ERBB4: variants seen among roughly 807,000 people sequenced by gnomAD.
ERBB4 encodes erb-b2 receptor tyrosine kinase 4, also known as receptor tyrosine-protein kinase erbB-4.
In ERBB4, 42 loss-of-function variants were observed where a neutral mutation model predicts 158.0. The observed-to-expected ratio is 0.27, with a 90% CI of 0.21 to 0.34. The LOEUF (loss-of-function observed/expected upper bound fraction) is 0.34, where lower values mean the gene tolerates loss of function less well. ERBB4 is among the 10% of genes least tolerant of loss of function. The probability of loss-of-function intolerance (pLI) is 1.00; values close to 1 mark genes in which losing one functional copy is unlikely to be tolerated. For missense variants in ERBB4, 1,333 were observed against 1,624.1 expected (o/e 0.82, Z 3.08); for synonymous variants, 583 against 558.7 (o/e 1.04, Z -0.61).
chr2:212,078,794 T>TA (rs1156295418), intron 2 of ERBB4, among the ~76,000 whole-genome samples: 1 of 151,370 alleles, frequency 6.6e-6, no homozygotes, highest in African/African-American at 2.4e-5. Flanking sequence ...CAATCACTAA[T>TA]ATGAAAAGTA....
intron 25 of ERBB4, among the ~76,000 whole-genome samples, chr2:211,409,864 A>G (rs1006717547): frequency 5.3e-5 from 8 of 152,148 alleles, no homozygotes; most frequent in African/African-American, 1.9e-4. Context: ...CACATATAAG[A>G]TGAAAGGGTT....
intron 1 of ERBB4, among the ~76,000 whole-genome samples, chr2:212,191,924 T>C (rs1267582365): frequency 2.5e-5 from 3 of 120,408 alleles, no homozygotes; most frequent in African/African-American, 6.0e-5. Context: ...GTTATATATG[T>C]TATATATTAT....
rs1688125914 is a variant in ERBB4 at position 212,453,679 on chromosome 2, T to TAACAACCAG, written c.82+84769_82+84770insCTGGTTGTT. Among the ~76,000 whole-genome samples the TAACAACCAG allele has an allele frequency of 2.0e-5, 3 of 152,298 alleles. No homozygotes were observed. In the East Asian group the frequency reaches 5.8e-4, roughly 29 times the overall value. ...TTATTACACCAGGGTCTTTTGTTATTGTTGTTATTTTAAAATTTTAAAATC... is the reference window on the plus strand; with the variant it reads ...TTATTACACCAGGGTCTTTTGTTATTAACAACCAGGTTGTTATTTTAAAATTTTAAAATC... On this transcript the variant is annotated intron_variant, in intron 1 of 27. Transcript: ENST00000342788.
At chr2:212,058,145 G>C (rs1190816328) in intron 2 of ERBB4, among the ~76,000 whole-genome samples, 1 of 152,172 alleles carries the variant, frequency 6.6e-6, no homozygotes, top group African/African-American at 2.4e-5. Flanking sequence ...ACTACCATCA[G>C]AGAATACTAT....
intron 3 of ERBB4, among the ~76,000 whole-genome samples, chr2:211,799,084 C>A (rs772203245): frequency 6.6e-6 from 1 of 152,122 alleles, no homozygotes; most frequent in Admixed American, 6.5e-5. Context: ...GCTGTCACTA[C>A]CACTGTGCTT....
At position 211,377,544 on chromosome 2, in the gene ERBB4, A is replaced by G. The variant is rs1317661197; in HGVS notation, c.*6071T>C. 4.3e-6 allele frequency: 1 copy of G among 232,476 alleles called. No individual in the cohort carries two copies. Among genetic ancestry groups the G allele is most frequent in the Non-Finnish European group, 8.5e-6 (1 of 117,566 alleles). The allele number at this position is 232,476 out of a possible 1,614,324, so 14.4% of individuals were successfully genotyped here. ...TTAACATGAACTGTCCTCATTATGT[A>G]TTTGTTAGATGGATGAATGATCCAA... On this transcript the variant is annotated 3_prime_UTR_variant, in exon 28 of 28. Coordinates refer to ENST00000342788, the MANE Select transcript of ERBB4 (RefSeq NM_005235.3).
intron 8 of ERBB4, among the ~76,000 whole-genome samples, chr2:211,712,883 G>A (rs374664399): frequency 1.3e-5 from 2 of 151,942 alleles, no homozygotes; most frequent in African/African-American, 2.4e-5. Context: ...CTTTTCTAGG[G>A]CACTCCCTGA....
At chr2:211,571,627 T>C (rs999490846) in intron 19 of ERBB4, among the ~76,000 whole-genome samples, 8 of 152,214 alleles carry the variant, frequency 5.3e-5, no homozygotes, top group African/African-American at 1.7e-4. Flanking sequence ...CTTATTTTAT[T>C]AGAATTATCG....
At chr2:211,561,777 C>CA in intron 20 of ERBB4, 126 bp downstream of exon 20, 2 of 843,370 alleles carry the variant, frequency 2.4e-6, no homozygotes, top group South Asian at 2.8e-5. Flanking sequence ...ATGTATCTTT[C>CA]ATTGCAGCAA....
At chr2:212,361,821 T>G (rs986981872) in intron 1 of ERBB4, among the ~76,000 whole-genome samples, 14 of 151,658 alleles carry the variant, frequency 9.2e-5, no homozygotes, top group African/African-American at 3.4e-4. Context: ...GGTTGTCACA[T>G]TAGCATTTGA....
intron 20 of ERBB4, among the ~76,000 whole-genome samples, chr2:211,510,002 A>G (rs1432777941): frequency 6.6e-6 from 1 of 152,178 alleles, no homozygotes; most frequent in Non-Finnish European, 1.5e-5. Context: ...TGGGAATTTA[A>G]ATTCATAAAA....
intron 1 of ERBB4, among the ~76,000 whole-genome samples, chr2:212,451,594 A>G (rs1473668671): frequency 6.6e-6 from 1 of 152,218 alleles, no homozygotes; most frequent in Admixed American, 6.5e-5. Context: ...TAGTATTAAA[A>G]TTGACACACA....
At chr2:211,829,830 C>G (rs1044028061) in intron 3 of ERBB4, among the ~76,000 whole-genome samples, 3 of 152,190 alleles carry the variant, frequency 2.0e-5, no homozygotes, top group South Asian at 4.1e-4. Flanking sequence ...TACTTATCGT[C>G]TATATTTACA....
chr2:212,442,808 T>C (rs2092281605), intron 1 of ERBB4, among the ~76,000 whole-genome samples: 1 of 152,258 alleles, frequency 6.6e-6, no homozygotes, highest in Non-Finnish European at 1.5e-5. Flanking sequence ...AGAAAAATCA[T>C]AAATCAAAGA....
At chr2:212,017,006 A>T (rs2125320093) in intron 2 of ERBB4, among the ~76,000 whole-genome samples, 1 of 152,282 alleles carries the variant, frequency 6.6e-6, no homozygotes, top group South Asian at 2.1e-4. Context: ...TTATTTTTAA[A>T]ATGTCACTAA....
intron 5 of ERBB4, among the ~76,000 whole-genome samples, chr2:211,738,094 A>C (rs35761042): frequency 0.4 from 60,270 of 151,856 alleles, 12,099 homozygotes; most frequent in South Asian, 0.59. Context: ...GATACAAATG[A>C]CTAATTAGTC....
chr2:212,475,211 TCACA>T (rs892160946), intron 1 of ERBB4, among the ~76,000 whole-genome samples: 77 of 152,254 alleles, frequency 5.1e-4, no homozygotes, highest in African/African-American at 1.6e-3. Flanking sequence ...ACCTGTGCAG[TCACA>T]CAGAGTCCCT....
chr2:211,619,294 A>G lies in ERBB4; in HGVS notation c.2203-19T>C, dbSNP rs759363143. 7.3e-7 allele frequency: 1 copy of G among 1,377,478 alleles called. No homozygotes were observed. The highest frequency in any genetic ancestry group is 1.2e-5 in the South Asian group (1 of 86,440). The allele number at this position is 1,377,478 out of a possible 1,614,324, so 85.3% of individuals were successfully genotyped here. A position where few individuals can be genotyped will look rare whatever the true frequency, so the allele number is the denominator to read the frequency against. On this transcript the variant is annotated intron_variant, in intron 18 of 27. Transcript: ENST00000342788. The stretch of plus-strand genomic sequence containing the variant: ...AAATACCCTTTGGGGAAAAAAATTT[A>G]CATTAAATATGACATCTCAACCTAT...
At chr2:211,505,777 G>T (rs927341409) in intron 20 of ERBB4, among the ~76,000 whole-genome samples, 1 of 151,926 alleles carries the variant, frequency 6.6e-6, no homozygotes, top group Non-Finnish European at 1.5e-5. Context: ...TGGCTAACAC[G>T]GTGAAACCCC....
Sources: gnomAD v4.1 joint callset for allele counts (sites outside exome capture counted in the v4.1 genomes callset) on GRCh38, gnomAD v4.1.1 for gene constraint, MANE v1.5 for transcripts, NCBI Gene and HGNC (gene_info 2026-07-23, HGNC 2026-07-21) for gene names.